The following TOP1 variants were observed in gnomAD, a reference collection of about 807,000 sequenced individuals.
The protein encoded by TOP1 is DNA topoisomerase 1.
TOP1 carries 10 observed loss-of-function variants against 111.1 expected under a neutral mutation model. That is an observed-to-expected ratio of 0.09 (90% confidence interval 0.06 to 0.15). TOP1 has a LOEUF of 0.15. Among genes scored for constraint, TOP1 ranks in the 10% least tolerant of loss-of-function variants. TOP1 has a pLI of 1.00. For missense variants in TOP1, 474 were observed against 926.7 expected, an observed-to-expected ratio of 0.51 and a Z score of 6.34; for synonymous variants, 271 against 302.9, an observed-to-expected ratio of 0.89 and a Z score of 1.10.
At chr20:41,042,943 G>T (rs2033286259) in intron 2 of TOP1, among the ~76,000 whole-genome samples, 2 of 152,198 alleles carry the variant, frequency 1.3e-5, no homozygotes, top group South Asian at 4.1e-4. Context: ...CATCCTCATT[G>T]TCTTGTTGAG....
At position 41,094,966 on chromosome 20, in the gene TOP1, A is replaced by G. The variant is rs572890911; in HGVS notation, c.731-2254A>G. Among the ~76,000 whole-genome samples, 1 of 152,342 alleles carries G rather than the reference A, an allele frequency of 6.6e-6. No individual in the cohort carries two copies. The highest frequency in any genetic ancestry group is 2.4e-5 in the African/African-American group (1 of 41,586). On this transcript the variant is annotated intron_variant, in intron 9 of 20. Transcript: ENST00000361337. The surrounding 1 kb of genome is among the most constrained non-coding windows in gnomAD (Gnocchi z 4.4). ...CATTTCATCTTTTGACAGCTCATCT[A>G]AAATAGGAGGAGTCACAGTTGCTTC...
At chr20:41,054,622 CG>C (rs1176967710) in intron 2 of TOP1, among the ~76,000 whole-genome samples, 1 of 152,154 alleles carries the variant, frequency 6.6e-6, no homozygotes, top group Non-Finnish European at 1.5e-5. Context: ...TGCTGGCACC[CG>C]TATTAGTGCC....
chr20:41,029,072 G>A lies in TOP1; in HGVS notation c.5G>A (p.Ser2Asn). The change falls in exon 1 of 21, where the codon AGT becomes AAT. Residue 2 changes from serine (S) to asparagine (N), a missense_variant. Coordinates refer to ENST00000361337, the MANE Select transcript of TOP1 (RefSeq NM_003286.4). This position sits in a 1 kb window ranked among gnomAD's most constrained non-coding sequence, Gnocchi z 6.1. MSGDHLHNDSQI... is the reference protein window; with the variant it reads MNGDHLHNDSQI... Reference sequence around the variant, plus strand: ...CGCTCGTCCCTCCGGGCCGACATGAGTGGGGACCACCTCCACAACGATTCC... The same window carrying A: ...CGCTCGTCCCTCCGGGCCGACATGAATGGGGACCACCTCCACAACGATTCC... 1 of 1,544,804 alleles carries A rather than the reference G, an allele frequency of 6.5e-7. No individual in the cohort carries two copies. The highest frequency in any genetic ancestry group is 1.4e-5 in the African/African-American group (1 of 70,864).
intron 3 of TOP1, among the ~76,000 whole-genome samples, chr20:41,066,949 A>G (rs768108603): frequency 4.6e-5 from 7 of 152,184 alleles, no homozygotes; most frequent in African/African-American, 7.2e-5. Flanking sequence ...TTCTGTTTAC[A>G]TATGACATGA....
intron 13 of TOP1, among the ~76,000 whole-genome samples, chr20:41,108,950 C>T (rs1375580789): frequency 2.0e-5 from 3 of 152,186 alleles, no homozygotes; most frequent in African/African-American, 4.8e-5. Context: ...CCAGCCTTAA[C>T]CTTACAAACA....
chr20:41,072,937 G>A (rs997556065), intron 3 of TOP1: 7 of 985,318 alleles, frequency 7.1e-6, no homozygotes, highest in African/African-American at 1.7e-5. Flanking sequence ...AAGTCAGGAT[G>A]ATAGCTTCAT....
intron 13 of TOP1, among the ~76,000 whole-genome samples, chr20:41,111,388 A>G (rs2034237383): frequency 6.6e-6 from 1 of 152,204 alleles, no homozygotes; most frequent in South Asian, 2.1e-4. Flanking sequence ...CCCACCCATG[A>G]TAGCAGGTAG....
chr20:41,081,158 T>G lies in TOP1; in HGVS notation c.432-7T>G. 6.3e-7 allele frequency: 1 copy of G among 1,590,500 alleles called. No individual in the cohort carries two copies. Among genetic ancestry groups the G allele is most frequent in the East Asian group, 2.3e-5 (1 of 44,420 alleles). ...TGTTAACTGTGTATTCATGTTCCCCTTTCTAGTGCTGATTATAAACCTAAG... is the reference window on the plus strand; with the variant it reads ...TGTTAACTGTGTATTCATGTTCCCCGTTCTAGTGCTGATTATAAACCTAAG... On this transcript the variant is annotated splice_region_variant and splice_polypyrimidine_tract_variant and intron_variant, in intron 6 of 20. Coordinates refer to ENST00000361337, the MANE Select transcript of TOP1 (RefSeq NM_003286.4).
chr20:41,052,958 C>G (rs1476694725), intron 2 of TOP1, among the ~76,000 whole-genome samples: 2 of 152,174 alleles, frequency 1.3e-5, no homozygotes, highest in Non-Finnish European at 2.9e-5. Context: ...CCACTGCACT[C>G]CAGCCTGGAC....
In TOP1 at chr20:41,035,142, T is replaced by A. The variant is rs554384146; in HGVS notation, c.58+5687T>A. Among the ~76,000 whole-genome samples, 15 of 152,330 alleles carry A rather than the reference T, an allele frequency of 9.8e-5. 1 individual carries two copies. The South Asian group carries it at 2.3e-3, about 23-fold the overall frequency. ...CCTGGGCTCAAGCAGCCTGCCCACCTCAGCCTCTCAAAGTGCTGGGCATGA... is the reference window on the plus strand; with the variant it reads ...CCTGGGCTCAAGCAGCCTGCCCACCACAGCCTCTCAAAGTGCTGGGCATGA... On this transcript the variant is annotated intron_variant, in intron 2 of 20. Coordinates refer to ENST00000361337, the MANE Select transcript of TOP1 (RefSeq NM_003286.4).
chr20:41,055,520 A>T (rs557041098), intron 2 of TOP1, among the ~76,000 whole-genome samples: 1 of 152,298 alleles, frequency 6.6e-6, no homozygotes, highest in Admixed American at 6.5e-5. Context: ...CTTTAGTCAG[A>T]TGTCCCACTG....
intron 2 of TOP1, among the ~76,000 whole-genome samples, chr20:41,035,298 C>T (rs2033171237): frequency 6.6e-6 from 1 of 152,154 alleles, no homozygotes; most frequent in African/African-American, 2.4e-5. Flanking sequence ...TTTTAATTTA[C>T]CATCTCCCTT....
At chr20:41,053,864 G>A (rs1261180550) in intron 2 of TOP1, among the ~76,000 whole-genome samples, 1 of 152,094 alleles carries the variant, frequency 6.6e-6, no homozygotes, top group Admixed American at 6.5e-5. Context: ...ATACACCTTG[G>A]AGTGTTTTTT....
intron 2 of TOP1, among the ~76,000 whole-genome samples, chr20:41,036,250 C>T (rs2033183319): frequency 6.6e-6 from 1 of 152,072 alleles, no homozygotes; most frequent in Non-Finnish European, 1.5e-5. Flanking sequence ...TCAGAACCTG[C>T]CCTTGATTAT....
chr20:41,076,137 C>G (rs200699625), intron 3 of TOP1, 34 bp from the exon 4 acceptor site: 5 of 1,591,124 alleles, frequency 3.1e-6, no homozygotes, highest in Non-Finnish European at 4.3e-6. Flanking sequence ...GGTCCCTACT[C>G]TGGGCTAACG....
At chr20:41,068,512 C>T (rs1170552862) in intron 3 of TOP1, among the ~76,000 whole-genome samples, 2 of 152,126 alleles carry the variant, frequency 1.3e-5, no homozygotes, top group East Asian at 3.8e-4. Flanking sequence ...GGGGTCCTCC[C>T]ACCTCAGCCT....
chr20:41,108,489 C>T (rs2034182571), intron 13 of TOP1, among the ~76,000 whole-genome samples: 1 of 152,210 alleles, frequency 6.6e-6, no homozygotes, highest in Non-Finnish European at 1.5e-5. Context: ...GTCACAGTTA[C>T]ACTACTTCTA....
At chr20:41,072,459 A>G in intron 3 of TOP1, 1 of 985,328 alleles carries the variant, frequency 1.0e-6, no homozygotes, top group East Asian at 1.1e-4. Context: ...CAAATGGATG[A>G]GTCAGCCTGA....
chr20:41,060,079 G>A (rs1030864614), intron 2 of TOP1, among the ~76,000 whole-genome samples: 6 of 152,166 alleles, frequency 3.9e-5, no homozygotes, highest in Non-Finnish European at 8.8e-5. Context: ...ATTTTTGATG[G>A]AGATATACAA....
Sources: gnomAD v4.1 joint callset for allele counts (sites outside exome capture counted in the v4.1 genomes callset) on GRCh38, gnomAD v4.1.1 for gene constraint, Gnocchi (gnomAD v3.1) non-coding constraint, MANE v1.5 for transcripts, NCBI Gene and HGNC (gene_info 2026-07-23, HGNC 2026-07-21) for gene names.